Variants in CMTM8 observed in about 807,000 individuals in gnomAD.
CMTM8 encodes the protein CKLF-like MARVEL transmembrane domain-containing protein 8.
Under a neutral mutation model 18.6 loss-of-function variants are expected in CMTM8, and 12 were observed. The ratio of observed to expected loss-of-function variants is 0.65; its 90% CI spans 0.41 to 1.05. The LOEUF is 1.05. CMTM8 is among the 50% of genes least tolerant of loss of function. CMTM8 has a pLI of 0.00. For synonymous variants in CMTM8, 87 were observed against 90.6 expected, an observed-to-expected ratio of 0.96 and a Z score of 0.23; for missense variants, 217 against 227.2, an observed-to-expected ratio of 0.95 and a Z score of 0.29.
At chr3:32,245,746 A>G (rs1702003080) in intron 1 of CMTM8, among the ~76,000 whole-genome samples, 1 of 152,190 alleles carries the variant, frequency 6.6e-6, no homozygotes, top group Admixed American at 6.5e-5. Flanking sequence ...AATAGTGAAC[A>G]TAGTTTCCAT....
chr3:32,254,387 C>T (rs1389989988), intron 1 of CMTM8, among the ~76,000 whole-genome samples: 1 of 152,140 alleles, frequency 6.6e-6, no homozygotes, highest in African/African-American at 2.4e-5. Context: ...GTTATAAGTA[C>T]ATCTTCTATA....
At chr3:32,294,999 G>C (rs1257663203) in intron 1 of CMTM8, among the ~76,000 whole-genome samples, 1 of 151,884 alleles carries the variant, frequency 6.6e-6, no homozygotes, top group Non-Finnish European at 1.5e-5. Context: ...AGGTTGTAGT[G>C]AGCTGATATC....
At chr3:32,308,436 C>T (rs2125567659) in intron 1 of CMTM8, among the ~76,000 whole-genome samples, 1 of 152,350 alleles carries the variant, frequency 6.6e-6, no homozygotes, top group African/African-American at 2.4e-5. Flanking sequence ...CTTGAGCACA[C>T]AGCTAAGCAT....
chr3:32,295,061 TAAAAC>T (rs1415863395), intron 1 of CMTM8, among the ~76,000 whole-genome samples: 1 of 151,760 alleles, frequency 6.6e-6, no homozygotes, highest in Non-Finnish European at 1.5e-5. Flanking sequence ...TCTCAAAAAA[TAAAAC>T]AAAATGAAAC....
intron 1 of CMTM8, among the ~76,000 whole-genome samples, chr3:32,268,736 T>G (rs1320338110): frequency 3.9e-5 from 6 of 152,188 alleles, no homozygotes; most frequent in Admixed American, 3.9e-4. Flanking sequence ...TCCATTGATT[T>G]ATGTTCCTAT....
intron 1 of CMTM8, among the ~76,000 whole-genome samples, chr3:32,342,270 C>T (rs1213634978): frequency 6.6e-6 from 1 of 152,042 alleles, no homozygotes; most frequent in Non-Finnish European, 1.5e-5. Flanking sequence ...AAAACAAAAA[C>T]CTATTTTAGG....
At chr3:32,297,901 C>T (rs957394172) in intron 1 of CMTM8, among the ~76,000 whole-genome samples, 7 of 151,650 alleles carry the variant, frequency 4.6e-5, no homozygotes, top group African/African-American at 1.7e-4. Flanking sequence ...TATGAGGGAA[C>T]CCTGGATAAG....
upstream of CMTM8, chr3:32,238,288 C>G (rs969338271): frequency 1.3e-5 from 2 of 152,362 alleles, no homozygotes; most frequent in African/African-American, 4.8e-5. Flanking sequence ...TCACCCCCTG[C>G]CTCGGTCGTC....
intron 1 of CMTM8, chr3:32,259,776 C>A: frequency 1.2e-6 from 1 of 860,548 alleles, no homozygotes. Flanking sequence ...GAGAGCACCA[C>A]AGTGGTCACC....
chr3:32,309,508 G>T (rs959399619), intron 1 of CMTM8, among the ~76,000 whole-genome samples: 3 of 151,558 alleles, frequency 2.0e-5, no homozygotes, highest in East Asian at 1.9e-4. Context: ...GTGTTTTGCC[G>T]TCTTGGCCAG....
chr3:32,259,732 G>T, intron 1 of CMTM8: 1 of 995,204 alleles, frequency 1.0e-6, no homozygotes, highest in Non-Finnish European at 1.6e-6. Flanking sequence ...AGAACTGAGA[G>T]GAGCTGGACA....
In CMTM8 at chr3:32,278,050, C is replaced by T. The variant is rs563378413; in HGVS notation, c.147+38931C>T. ...TGTCAGAGACGCTGCCCACTTCTGT[C>T]GGTTTTCCCTGTTCTCTGCAGTGGG... On this transcript the variant is annotated intron_variant, in intron 1 of 3. Coordinates refer to ENST00000307526, the MANE Select transcript of CMTM8 (RefSeq NM_178868.5). 4.1e-4 allele frequency among the ~76,000 whole-genome samples: 62 copies of T among 152,348 alleles called. 1 individual carries two copies. The highest frequency in any genetic ancestry group is 1.5e-3 in the African/African-American group (61 of 41,582).
intron 1 of CMTM8, among the ~76,000 whole-genome samples, chr3:32,272,184 G>A (rs4955272): frequency 0.21 from 31,352 of 152,118 alleles, 3,962 homozygotes; most frequent in Middle Eastern, 0.3. Context: ...TGTCGATGTT[G>A]GCAGTCAAAA....
rs1283064001 is a variant in CMTM8, at chr3:32,239,117, A to G, written c.145A>G (p.Ile49Val). ...GCCCGGCTTCCTCATCGTGGCCGAGATCGTGAGTGCCGACGGGCCGGGGGT... is the reference window on the plus strand; with the variant it reads ...GCCCGGCTTCCTCATCGTGGCCGAGGTCGTGAGTGCCGACGGGCCGGGGGT... ...TLPGFLIVAE[I>V]VLGLLVWTLI... Residue 49 changes from isoleucine to valine, a missense_variant and splice_region_variant, in exon 1 of 4, where the codon ATC becomes GTC. Physicochemically the swap from Ile to Val is conservative, Grantham distance 29. Coordinates refer to ENST00000307526, the MANE Select transcript of CMTM8 (RefSeq NM_178868.5). The G allele has an allele frequency of 1.9e-6, 3 of 1,597,394 alleles. No individual in the cohort carries two copies. The highest frequency in any genetic ancestry group is 2.6e-6 in the Non-Finnish European group (3 of 1,172,828).
chr3:32,340,159 C>T (rs114763605), intron 1 of CMTM8, among the ~76,000 whole-genome samples: 1,898 of 152,234 alleles, frequency 0.012, 46 homozygotes, highest in African/African-American at 0.042. Flanking sequence ...TCTTCCATGC[C>T]CTGCCACCTC....
At chr3:32,239,172 T>C (rs1575141315) in intron 1 of CMTM8, 53 bp downstream of exon 1, 1 of 1,540,664 alleles carries the variant, frequency 6.5e-7, no homozygotes, top group Non-Finnish European at 8.8e-7. Flanking sequence ...CCCCGGCGCG[T>C]GCTTCCGCCG....
intron 1 of CMTM8, among the ~76,000 whole-genome samples, chr3:32,283,942 T>A (rs1450618464): frequency 1.3e-5 from 2 of 152,208 alleles, no homozygotes; most frequent in African/African-American, 4.8e-5. Context: ...TGAGTATACA[T>A]AAACCCACAC....
Position 32,318,055 on chromosome 3 carries a change from C to CA in CMTM8, c.148-39295dup, listed in dbSNP as rs60403582. Among the ~76,000 whole-genome samples, 601 of 85,474 alleles carry CA rather than the reference C, an allele frequency of 7.0e-3. 3 individuals carry two copies. Among genetic ancestry groups the CA allele is most frequent in the Middle Eastern group, 0.015 (2 of 132 alleles). The allele number at this position is 85,474 out of a possible 152,430, so 56.1% of individuals were successfully genotyped here. On this transcript the variant is annotated intron_variant, in intron 1 of 3. Coordinates refer to ENST00000307526, the MANE Select transcript of CMTM8 (RefSeq NM_178868.5). ...GGGCAACAAGAACGAAACTCTGTCT[C>CA]AAAAAAAAAAAAAAAAAAAAAAAGA... is the stretch of plus-strand genomic sequence containing the variant.
At chr3:32,256,453 C>A (rs1702175384) in intron 1 of CMTM8, among the ~76,000 whole-genome samples, 2 of 152,004 alleles carry the variant, frequency 1.3e-5, no homozygotes, top group African/African-American at 4.8e-5. Context: ...CAGACCTTGT[C>A]CATTCATGAA....
Sources: gnomAD v4.1 joint callset for allele counts (sites outside exome capture counted in the v4.1 genomes callset) on GRCh38, gnomAD v4.1.1 for gene constraint, MANE v1.5 for transcripts, NCBI Gene and HGNC (gene_info 2026-07-23, HGNC 2026-07-21) for gene names.